MAP3K7: variants seen among roughly 807,000 people sequenced by gnomAD.
MAP3K7 encodes TGF-beta activated kinase 1.
Under a neutral mutation model 84.8 loss-of-function variants are expected in MAP3K7, and 21 were observed. The ratio of observed to expected loss-of-function variants is 0.25; its 90% confidence interval spans 0.18 to 0.36. MAP3K7 has a LOEUF of 0.36. Ranked by LOEUF, MAP3K7 falls within the 10% of genes least tolerant of loss-of-function variation. The probability of loss-of-function intolerance (pLI) is 1.00; values close to 1 mark genes in which losing one functional copy is unlikely to be tolerated. For synonymous variants in MAP3K7, 241 were observed against 247.7 expected, an observed-to-expected ratio of 0.97 and a Z score of 0.25; for missense variants, 503 against 747.7, an observed-to-expected ratio of 0.67 and a Z score of 3.82.
chr6:90,572,703 CAA>C (rs956366315), intron 1 of MAP3K7, among the ~76,000 whole-genome samples: 3 of 151,818 alleles, frequency 2.0e-5, no homozygotes, highest in African/African-American at 4.8e-5. Flanking sequence ...AGTTATTTTT[CAA>C]AAGTCATAAA....
At chr6:90,555,822 C>T (rs143708599) in intron 6 of MAP3K7, among the ~76,000 whole-genome samples, 48 of 152,234 alleles carry the variant, frequency 3.2e-4, no homozygotes, top group Admixed American at 5.9e-4. Context: ...TTAAAGACAC[C>T]TTATTCATAT....
chr6:90,580,368 T>C (rs1277690774), intron 1 of MAP3K7, among the ~76,000 whole-genome samples: 2 of 152,228 alleles, frequency 1.3e-5, no homozygotes, highest in African/African-American at 2.4e-5. Context: ...AAGGCCACTT[T>C]TTATTTACTA....
Position 90,516,186 on chromosome 6 carries a change from C to T in MAP3K7, c.*315G>A. 1 of 329,620 alleles carries T rather than the reference C, an allele frequency of 3.0e-6. No individual in the cohort carries two copies. The highest frequency in any genetic ancestry group is 5.5e-6 in the Non-Finnish European group (1 of 180,220). 20.4% of individuals were successfully genotyped at this position (329,620 alleles called of 1,614,324 possible). A position where few individuals can be genotyped will look rare whatever the true frequency, so the allele number is the denominator to read the frequency against. The stretch of plus-strand genomic sequence containing the variant: ...TTTGCACATAGCAGCTAGTTTGATA[C>T]CTCCTGTTCTGTTAGGCTAGCCTTC... On this transcript the variant is annotated 3_prime_UTR_variant, in exon 17 of 17. Coordinates refer to ENST00000369329, the MANE Select transcript of MAP3K7 (RefSeq NM_145331.3).
chr6:90,549,781 C>A (rs1776123760), intron 9 of MAP3K7, among the ~76,000 whole-genome samples: 1 of 152,028 alleles, frequency 6.6e-6, no homozygotes, highest in Non-Finnish European at 1.5e-5. Context: ...GAATAACTAG[C>A]CAAGCAGTAA....
chr6:90,572,928 A>G (rs1475786030), intron 1 of MAP3K7, among the ~76,000 whole-genome samples: 1 of 152,188 alleles, frequency 6.6e-6, no homozygotes, highest in Non-Finnish European at 1.5e-5. Context: ...CACCTACTCC[A>G]ATCTCTCAGC....
chr6:90,531,281 C>G (rs1025276250), intron 13 of MAP3K7, among the ~76,000 whole-genome samples: 2 of 152,054 alleles, frequency 1.3e-5, no homozygotes, highest in African/African-American at 4.8e-5. Flanking sequence ...TTTCATAAGT[C>G]AGGAATTTAC....
chr6:90,576,392 C>T, intron 1 of MAP3K7, among the ~76,000 whole-genome samples: 1 of 149,798 alleles, frequency 6.7e-6, no homozygotes, highest in Non-Finnish European at 1.5e-5. Flanking sequence ...CACTGAACTC[C>T]AGCCTGGGCA....
At chr6:90,565,959 A>T (rs1776689360) in intron 3 of MAP3K7, among the ~76,000 whole-genome samples, 2 of 152,200 alleles carry the variant, frequency 1.3e-5, no homozygotes, top group African/African-American at 4.8e-5. Flanking sequence ...CCAATGACAA[A>T]AACCACATAA....
chr6:90,540,238 T>C (rs1031985052), intron 12 of MAP3K7, among the ~76,000 whole-genome samples: 1 of 151,858 alleles, frequency 6.6e-6, no homozygotes, highest in South Asian at 2.1e-4. Flanking sequence ...GGCATTTTAT[T>C]GCTCTCGAAT....
intron 12 of MAP3K7, among the ~76,000 whole-genome samples, chr6:90,543,994 T>C (rs2127969614): frequency 6.6e-6 from 1 of 152,248 alleles, no homozygotes; most frequent in East Asian, 1.9e-4. Context: ...CTATTTTACA[T>C]GATTCTTTGG....
chr6:90,548,998 G>A (rs1036953744), intron 9 of MAP3K7, among the ~76,000 whole-genome samples: 6 of 152,046 alleles, frequency 3.9e-5, no homozygotes, highest in Non-Finnish European at 7.4e-5. Flanking sequence ...CAAGAAAGAA[G>A]GGGAAAAGAG....
chr6:90,564,780 C>T (rs1402968700), intron 3 of MAP3K7, among the ~76,000 whole-genome samples: 2 of 152,196 alleles, frequency 1.3e-5, no homozygotes, highest in Non-Finnish European at 2.9e-5. Flanking sequence ...CTTCTCAGCA[C>T]CACATTGCAC....
chr6:90,517,871 C>A (rs568342492), intron 16 of MAP3K7, among the ~76,000 whole-genome samples: 17 of 151,598 alleles, frequency 1.1e-4, no homozygotes, highest in Non-Finnish European at 2.2e-4. Context: ...ATTTTAGTTA[C>A]CACCAACAAT....
chr6:90,567,330 T>C (rs1354728139), intron 3 of MAP3K7, among the ~76,000 whole-genome samples: 1 of 152,288 alleles, frequency 6.6e-6, no homozygotes, highest in East Asian at 1.9e-4. Flanking sequence ...AAAGGGCTAA[T>C]ATCCAGAATC....
intron 16 of MAP3K7, among the ~76,000 whole-genome samples, chr6:90,517,688 G>T (rs1188090504): frequency 4.0e-5 from 6 of 151,736 alleles, no homozygotes; most frequent in Admixed American, 3.9e-4. Context: ...TTAAATCACT[G>T]TATCAATAAA....
intron 11 of MAP3K7, among the ~76,000 whole-genome samples, chr6:90,545,531 G>C (rs1041740049): frequency 6.6e-5 from 10 of 152,098 alleles, no homozygotes; most frequent in Non-Finnish European, 1.5e-4. Flanking sequence ...AGTGAAAAGG[G>C]TTCCTCAAAG....
chr6:90,568,537 A>G lies in MAP3K7; in HGVS notation c.297+21T>C, dbSNP rs1399658245. ...GCCATGTCATTTCTCACAGGTGACC[A>G]TGAAAAAGTAACAAACTTACTGGAT... On this transcript the variant is annotated intron_variant, in intron 3 of 16. Transcript: ENST00000369329. 5 of 1,595,064 alleles carry G rather than the reference A, an allele frequency of 3.1e-6. No homozygotes were observed. In the South Asian group the frequency reaches 4.6e-5, roughly 15 times the overall value.
chr6:90,569,016 T>C (rs1333171430), intron 2 of MAP3K7, among the ~76,000 whole-genome samples: 1 of 152,208 alleles, frequency 6.6e-6, no homozygotes, highest in African/African-American at 2.4e-5. Context: ...GACGTCATGC[T>C]ATCATTGTTA....
chr6:90,524,268 C>A, intron 13 of MAP3K7, among the ~76,000 whole-genome samples: 1 of 152,096 alleles, frequency 6.6e-6, no homozygotes, highest in East Asian at 1.9e-4. Context: ...CAAAAGCAGA[C>A]AGGAAACAAA....
Sources: allele counts gnomAD v4.1 joint callset (sites outside exome capture counted in the v4.1 genomes callset), GRCh38; gene constraint gnomAD v4.1.1; transcripts MANE v1.5; gene names NCBI Gene and HGNC (gene_info 2026-07-23, HGNC 2026-07-21).